RARB: variants seen among roughly 807,000 people sequenced by gnomAD.
The protein encoded by RARB is HBV-activated protein.
In RARB, 17 loss-of-function variants were observed where a neutral mutation model predicts 51.9. That is an observed-to-expected ratio of 0.33 (90% CI 0.22 to 0.49). RARB has a LOEUF of 0.49. RARB is among the 20% of genes least tolerant of loss of function. The pLI is 0.99. For synonymous variants in RARB, 215 were observed against 195.4 expected, an observed-to-expected ratio of 1.10 and a Z score of -0.84; for missense variants, 369 against 550.8, an observed-to-expected ratio of 0.67 and a Z score of 3.30.
At chr3:25,001,896 G>A (rs1264123414) in intron 2 of RARB, among the ~76,000 whole-genome samples, 2 of 151,926 alleles carry the variant, frequency 1.3e-5, no homozygotes, top group Non-Finnish European at 2.9e-5. Context: ...TCCCATTTCG[G>A]CCTCCCAAGT....
intron 2 of RARB, among the ~76,000 whole-genome samples, chr3:24,936,912 G>A (rs1429079207): frequency 2.6e-5 from 4 of 152,254 alleles, no homozygotes; most frequent in East Asian, 1.9e-4. Context: ...TGTTTGGTGT[G>A]CTTTGCCAAA....
rs1553639745 is a variant in RARB, at chr3:25,171,652, A to AAAAAAACAAAAAAAAC, written c.-279-2461_-279-2460insCAAAAAAAACAAAAAA. On this transcript the variant is annotated intron_variant, in intron 4 of 11. Transcript: ENST00000383772. ...ACCAGTCCCTGGTTGGTAAAAAAAA[A>AAAAAAACAAAAAAAAC]AAAAAAAAACAGCTTTAAAAATCAG... is the stretch of plus-strand genomic sequence containing the variant. Among the ~76,000 whole-genome samples the AAAAAAACAAAAAAAAC allele has an allele frequency of 5.3e-3, 774 of 147,062 alleles. 23 individuals carry two copies. The highest frequency in any genetic ancestry group is 0.017 in the African/African-American group (699 of 40,142).
chr3:24,945,013 G>A lies in RARB; in HGVS notation c.-380+86261G>A, dbSNP rs1021960397. Among the ~76,000 whole-genome samples, 13 of 152,330 alleles carry A rather than the reference G, an allele frequency of 8.5e-5. No homozygotes were observed. The South Asian group carries it at 1.5e-3, about 17-fold the overall frequency. On this transcript the variant is annotated intron_variant, in intron 2 of 11. Coordinates refer to the RARB transcript ENST00000383772. The stretch of plus-strand genomic sequence containing the variant: ...AAAATACACGTGTGTGAACATGTGC[G>A]CCCTTCCAGTTGGGAACATTCACAT...
At chr3:25,185,967 ACAGAGTTGTATGTC>A (rs1222034564) in intron 5 of RARB, among the ~76,000 whole-genome samples, 1 of 152,132 alleles carries the variant, frequency 6.6e-6, no homozygotes, top group Admixed American at 6.6e-5. Context: ...AGAACAGAAA[ACAGAGTTGTATGTC>A]CAGTATTGGG....
chr3:25,334,866 A>G (rs1003227542), intron 5 of RARB, among the ~76,000 whole-genome samples: 1 of 152,212 alleles, frequency 6.6e-6, no homozygotes, highest in African/African-American at 2.4e-5. Flanking sequence ...TAAAAGAAAT[A>G]TTCATCATGG....
chr3:25,045,079 T>C (rs1163233562), intron 2 of RARB, among the ~76,000 whole-genome samples: 2 of 152,218 alleles, frequency 1.3e-5, no homozygotes, highest in Non-Finnish European at 2.9e-5. Flanking sequence ...GTTATTTCAG[T>C]GGCATCAGGA....
At chr3:25,454,108 G>A (rs140177595) in intron 1 of RARB, among the ~76,000 whole-genome samples, 2 of 152,324 alleles carry the variant, frequency 1.3e-5, no homozygotes, top group East Asian at 1.9e-4. Context: ...GAGTCTTCCC[G>A]TGCCCCAAAT....
intron 5 of RARB, 77 bp from the exon 6 acceptor site, chr3:25,593,426 T>C: frequency 7.3e-7 from 1 of 1,360,760 alleles, no homozygotes; most frequent in Non-Finnish European, 1.0e-6. Flanking sequence ...ATCTTCATGT[T>C]ATTTCCTGCT....
intron 5 of RARB, among the ~76,000 whole-genome samples, chr3:25,375,011 C>G (rs910783503): frequency 3.3e-5 from 5 of 152,066 alleles, no homozygotes; most frequent in African/African-American, 9.7e-5. Flanking sequence ...GATCATCTTC[C>G]AGGCTCAGAA....
At chr3:25,229,793 T>G (rs1386677975) in intron 5 of RARB, among the ~76,000 whole-genome samples, 1 of 148,378 alleles carries the variant, frequency 6.7e-6, no homozygotes, top group East Asian at 2.1e-4. Flanking sequence ...AATCCTACCT[T>G]CGTGTTCCTT....
At chr3:24,927,948 G>A (rs919040061) in intron 2 of RARB, among the ~76,000 whole-genome samples, 22 of 152,058 alleles carry the variant, frequency 1.4e-4, no homozygotes, top group Non-Finnish European at 7.4e-5. Context: ...TAATGCAGAT[G>A]TATTCCCAAA....
intron 2 of RARB, among the ~76,000 whole-genome samples, chr3:25,030,205 G>A (rs1430015683): frequency 6.6e-6 from 1 of 152,182 alleles, no homozygotes; most frequent in Non-Finnish European, 1.5e-5. Context: ...ACAGGGGAGA[G>A]GAAGAATATT....
intron 2 of RARB, among the ~76,000 whole-genome samples, chr3:24,872,378 A>G (rs1702963874): frequency 6.6e-6 from 1 of 152,148 alleles, no homozygotes; most frequent in African/African-American, 2.4e-5. Flanking sequence ...TCTTCACACA[A>G]ATCTCACCTT....
intron 1 of RARB, among the ~76,000 whole-genome samples, chr3:24,839,233 T>C (rs1702385317): frequency 6.6e-6 from 1 of 152,148 alleles, no homozygotes; most frequent in Admixed American, 6.5e-5. Flanking sequence ...TAATCCATAG[T>C]AAAAAATATA....
At chr3:25,377,016 A>T (rs900659) in intron 5 of RARB, among the ~76,000 whole-genome samples, 118,508 of 151,660 alleles carry the variant, frequency 0.78, 47,124 homozygotes, top group East Asian at 0.99. Flanking sequence ...GTATTAGTTT[A>T]GTTTGTTTGT....
intron 1 of RARB, among the ~76,000 whole-genome samples, chr3:25,440,450 A>C (rs1024195168): frequency 6.6e-6 from 1 of 151,062 alleles, no homozygotes; most frequent in Non-Finnish European, 1.5e-5. Flanking sequence ...CTGTCTAAAA[A>C]ATAAAAAAAA....
rs564233617 is a variant in RARB, at chr3:25,044,061, C to T, written c.-379-16064C>T. Among the ~76,000 whole-genome samples the T allele has an allele frequency of 2.0e-5, 3 of 151,948 alleles. No individual in the cohort carries two copies. The East Asian group carries it at 5.8e-4, about 29-fold the overall frequency. On this transcript the variant is annotated intron_variant, in intron 2 of 11. Coordinates refer to the RARB transcript ENST00000383772. ...TAATTAGAGTTTCAGTCCACTGATA[C>T]TACCTTCAAAGTAAATGAAAATGAA...
At chr3:25,206,080 C>T (rs1701537774) in intron 5 of RARB, among the ~76,000 whole-genome samples, 1 of 152,162 alleles carries the variant, frequency 6.6e-6, no homozygotes, top group African/African-American at 2.4e-5. Context: ...ATATTTTCAA[C>T]TTACAATGGG....
At chr3:25,276,137 G>A (rs1315992905) in intron 5 of RARB, among the ~76,000 whole-genome samples, 1 of 152,158 alleles carries the variant, frequency 6.6e-6, no homozygotes, top group East Asian at 1.9e-4. Flanking sequence ...TCATGTAAAA[G>A]CCTTAGAATA....
Sources: gnomAD v4.1 joint callset for allele counts (sites outside exome capture counted in the v4.1 genomes callset) on GRCh38, gnomAD v4.1.1 for gene constraint, MANE v1.5 for transcripts, NCBI Gene and HGNC (gene_info 2026-07-23, HGNC 2026-07-21) for gene names.